Variants in MRNIP observed in about 807,000 individuals in gnomAD.
MRNIP encodes MRN complex-interacting protein.
MRNIP carries 30 observed loss-of-function variants against 29.8 expected under a neutral mutation model. The ratio of observed to expected loss-of-function variants is 1.01; its 90% CI spans 0.75 to 1.36. The LOEUF (loss-of-function observed/expected upper bound fraction) is 1.36. MRNIP is among the 40% of genes most tolerant of loss of function. The pLI is 0.00. For missense variants in MRNIP, 459 were observed against 423.5 expected (o/e 1.08, Z -0.74); for synonymous variants, 201 against 164.1 (o/e 1.23, Z -1.72).
chr5:179,845,623 G>A (rs940416366), intron 3 of MRNIP, among the ~76,000 whole-genome samples: 1 of 151,372 alleles, frequency 6.6e-6, no homozygotes, highest in African/African-American at 2.4e-5. Context: ...AGCCTCCTGA[G>A]TAGCTGGGAT....
At chr5:179,851,223 C>T in intron 2 of MRNIP, 1 of 455,586 alleles carries the variant, frequency 2.2e-6, no homozygotes, top group Non-Finnish European at 4.4e-6. Flanking sequence ...CCATGCTCAC[C>T]ATGTGGGGTG....
In MRNIP at chr5:179,853,216, T is replaced by A. The variant is rs759676113; in HGVS notation, c.126+162A>T. On this transcript the variant is annotated intron_variant, in intron 2 of 6. Coordinates refer to ENST00000292586, the MANE Select transcript of MRNIP (RefSeq NM_016175.4). The stretch of plus-strand genomic sequence containing the variant: ...CAGTACCTTTCCAGATTCTGCTCCA[T>A]CCATTTCACTTCCTGAAGGAACAGG... The A allele has an allele frequency of 1.9e-6, 3 of 1,538,994 alleles. No homozygotes were observed. The Admixed American group carries it at 5.8e-5, about 30-fold the overall frequency.
At chr5:179,844,608 T>A (rs1165927998) in intron 3 of MRNIP, among the ~76,000 whole-genome samples, 2 of 152,048 alleles carry the variant, frequency 1.3e-5, no homozygotes, top group Admixed American at 6.6e-5. Flanking sequence ...TTCTTTTTAT[T>A]GTAGAGACGG....
At chr5:179,844,056 C>G (rs1214658205) in intron 4 of MRNIP, 96 bp downstream of exon 4, 1 of 989,638 alleles carries the variant, frequency 1.0e-6, no homozygotes, top group Non-Finnish European at 1.6e-6. Context: ...TGGGTGGCAT[C>G]AACACACATT....
intron 3 of MRNIP, 138 bp downstream of exon 3, chr5:179,847,840 T>C: frequency 3.1e-6 from 2 of 654,766 alleles, no homozygotes; most frequent in South Asian, 3.6e-5. Context: ...TGACCTCAGA[T>C]GGCAAAGTGA....
rs1758640399 is a variant in MRNIP, at chr5:179,837,456, T to A, written c.967A>T (p.Asn323Tyr). ...EGGPLVLEAQ[N>Y]PRPTRLCDLF... ...TCACATAGTCGTGTGGGTCGAGGAT[T>A]CTGTGCCTCCAGGACCAGGGGCCCA... is the stretch of plus-strand genomic sequence containing the variant. Residue 323 changes from asparagine to tyrosine, a missense_variant, in exon 7 of 7, where the codon AAT becomes TAT. Transcript: ENST00000292586. 6.2e-7 allele frequency: 1 copy of A among 1,612,544 alleles called. No individual in the cohort carries two copies. The highest frequency in any genetic ancestry group is 1.3e-5 in the African/African-American group (1 of 74,780).
rs1561615645 is a variant in MRNIP at position 179,842,048 on chromosome 5, G to A, written c.308C>T (p.Ser103Leu). 6.2e-7 allele frequency: 1 copy of A among 1,612,940 alleles called. No individual in the cohort carries two copies. Among genetic ancestry groups the A allele is most frequent in the Non-Finnish European group, 8.5e-7 (1 of 1,179,698 alleles). ...NVKQQEKSQPSESRWLKYLEK... is the reference protein window; with the variant it reads ...NVKQQEKSQPLESRWLKYLEK... ...TAGATACTTCAGCCAGCGACTCTCT[G>A]AGGGCTGCGATTTTTCCTGCCAGAT... Residue 103 changes from serine (S) to leucine (L), a missense_variant, in exon 5 of 7, where the codon TCA (serine) becomes TTA (leucine). By Grantham distance (145) the Ser-to-Leu change is moderately radical (BLOSUM62 -2). Coordinates refer to ENST00000292586, the MANE Select transcript of MRNIP (RefSeq NM_016175.4).
chr5:179,842,646 G>C (rs1369471617), intron 4 of MRNIP, among the ~76,000 whole-genome samples: 10 of 136,802 alleles, frequency 7.3e-5, no homozygotes, highest in Non-Finnish European at 1.5e-4. Flanking sequence ...CCTGCAGTGA[G>C]CCGAGATGGT....
At chr5:179,840,509 A>T in intron 6 of MRNIP, 1 of 408,346 alleles carries the variant, frequency 2.4e-6, no homozygotes, top group Non-Finnish European at 4.4e-6. Context: ...AGCATCTCCC[A>T]GGATTCAGGG....
At chr5:179,842,356 A>G (rs954380955) in intron 4 of MRNIP, among the ~76,000 whole-genome samples, 3 of 152,054 alleles carry the variant, frequency 2.0e-5, no homozygotes, top group Non-Finnish European at 4.4e-5. Flanking sequence ...TGCCAGTCCC[A>G]GTCTTATAAA....
At chr5:179,838,019 G>A (rs1356087686) in intron 6 of MRNIP, 134 bp from the exon 7 acceptor site, 6 of 823,206 alleles carry the variant, frequency 7.3e-6, no homozygotes, top group Admixed American at 2.9e-5. Context: ...GGCTGGGACA[G>A]GCTTTGATTT....
chr5:179,846,366 C>T (rs1006186562), intron 3 of MRNIP, among the ~76,000 whole-genome samples: 1 of 152,004 alleles, frequency 6.6e-6, no homozygotes, highest in Non-Finnish European at 1.5e-5. Context: ...ACACTGCAGC[C>T]TCCGCCTCCC....
intron 1 of MRNIP, among the ~76,000 whole-genome samples, chr5:179,856,508 C>T (rs1366064864): frequency 1.3e-5 from 2 of 151,546 alleles, no homozygotes; most frequent in Non-Finnish European, 2.9e-5. Flanking sequence ...GTCTGGCTGT[C>T]GCCCAGGCTG....
At chr5:179,851,170 G>A (rs564486440) in intron 2 of MRNIP, 1 of 452,754 alleles carries the variant, frequency 2.2e-6, no homozygotes, top group East Asian at 7.0e-5. Context: ...GAGTAAGAAG[G>A]CTTCCTCAAG....
At chr5:179,851,851 G>A (rs1275430295) in intron 2 of MRNIP, among the ~76,000 whole-genome samples, 2 of 151,976 alleles carry the variant, frequency 1.3e-5, no homozygotes, top group African/African-American at 4.8e-5. Context: ...GGTGGTGGGA[G>A]CCTGTGGTCC....
In MRNIP at chr5:179,858,789, G is replaced by A. The variant is rs562422912; in HGVS notation, c.8C>T (p.Ser3Leu). The change falls in exon 1 of 7, where the codon TCG becomes TTG. Residue 3 changes from serine to leucine, a missense_variant. Transcript: ENST00000292586. MA[S>L]LQRSRVLRCC... is the part of the protein sequence containing the mutation. The stretch of plus-strand genomic sequence containing the variant: ...GCGTAGCACCCGAGAACGCTGAAGC[G>A]ACGCCATCCCTGCTTGTGCAGTCGC... 4.5e-5 allele frequency: 69 copies of A among 1,540,562 alleles called. 2 individuals are homozygous for A. In the South Asian group the frequency reaches 7.6e-4, roughly 17 times the overall value.
chr5:179,844,427 A>T, intron 3 of MRNIP, 200 bp from the exon 4 acceptor site: 1 of 491,524 alleles, frequency 2.0e-6, no homozygotes, highest in South Asian at 2.2e-5. Flanking sequence ...TAATGTTTGA[A>T]CCCGGAAGGC....
chr5:179,847,700 A>G, intron 3 of MRNIP: 1 of 321,364 alleles, frequency 3.1e-6, no homozygotes, highest in Non-Finnish European at 5.8e-6. Flanking sequence ...GGAGGCACAG[A>G]GCAATGGCCT....
At chr5:179,840,507 C>A in intron 6 of MRNIP, 1 of 406,120 alleles carries the variant, frequency 2.5e-6, no homozygotes, top group East Asian at 4.3e-5. Context: ...GAAGCATCTC[C>A]CAGGATTCAG....
Sources: allele counts gnomAD v4.1 joint callset (sites outside exome capture counted in the v4.1 genomes callset), GRCh38; gene constraint gnomAD v4.1.1; transcripts MANE v1.5; gene names NCBI Gene and HGNC (gene_info 2026-07-23, HGNC 2026-07-21).